SERPINB12: variants seen among roughly 807,000 people sequenced by gnomAD.
SERPINB12 encodes serpin family B member 12.
SERPINB12 carries 57 observed loss-of-function variants against 41.1 expected under a neutral mutation model. That is an observed-to-expected ratio of 1.39 (90% CI 1.12 to 1.73). SERPINB12 has a LOEUF of 1.73. Ranked by LOEUF, SERPINB12 falls within the 40% of genes most tolerant of loss-of-function variation. The probability of loss-of-function intolerance (pLI) is 0.00; values close to 1 mark genes in which losing one functional copy is unlikely to be tolerated. For missense variants in SERPINB12, 536 were observed against 501.9 expected (o/e 1.07, Z -0.65); for synonymous variants, 180 against 181.3 (o/e 0.99, Z 0.06).
At chr18:63,542,721 TAC>T (rs921662030) in intron 1 of SERPINB12, among the ~76,000 whole-genome samples, 4 of 152,154 alleles carry the variant, frequency 2.6e-5, no homozygotes, top group Non-Finnish European at 5.9e-5. Context: ...GGGTTTGGTG[TAC>T]AGATTATTTT....
At chr18:63,530,438 A>G in the SERPINB12 span, among the ~76,000 whole-genome samples, 1 of 152,026 alleles carries the variant, frequency 6.6e-6, no homozygotes, top group African/African-American at 2.4e-5. Flanking sequence ...CTTCCCCCCA[A>G]ACTTCCATAT....
intron 1 of SERPINB12, among the ~76,000 whole-genome samples, chr18:63,549,736 C>T (rs1910477582): frequency 6.6e-6 from 1 of 152,142 alleles, no homozygotes; most frequent in African/African-American, 2.4e-5. Flanking sequence ...GATGGACTCT[C>T]AGTGCTAGGA....
At chr18:63,565,400 A>T (rs1210991701) in intron 6 of SERPINB12, 45 bp from the exon 7 acceptor site, 1 of 1,564,332 alleles carries the variant, frequency 6.4e-7, no homozygotes, top group East Asian at 2.3e-5. Context: ...TGAATTTGGG[A>T]GTTTCCCATA....
chr18:63,539,190 A>T (rs1047196609), upstream of SERPINB12, among the ~76,000 whole-genome samples: 1 of 152,228 alleles, frequency 6.6e-6, no homozygotes, highest in South Asian at 2.1e-4. Context: ...TCCAGTAGCT[A>T]TCACTGGCAA....
chr18:63,553,195 T>C (rs1256588502), intron 1 of SERPINB12, among the ~76,000 whole-genome samples: 1 of 152,054 alleles, frequency 6.6e-6, no homozygotes, highest in South Asian at 2.1e-4. Flanking sequence ...AGTTTTGGAG[T>C]GTTCTGTAGC....
chr18:63,528,440 A>G, the SERPINB12 span, among the ~76,000 whole-genome samples: 1 of 142,430 alleles, frequency 7.0e-6, no homozygotes, highest in African/African-American at 2.5e-5. Flanking sequence ...TATAAATCCT[A>G]TCAGGCCATG....
upstream of SERPINB12, among the ~76,000 whole-genome samples, chr18:63,539,345 C>T (rs1030811366): frequency 1.3e-5 from 2 of 152,102 alleles, no homozygotes; most frequent in East Asian, 1.9e-4. Context: ...TTCCCCATGT[C>T]CCCTGAAAAA....
intron 7 of SERPINB12, 143 bp downstream of exon 7, chr18:63,565,755 T>G: frequency 1.6e-6 from 1 of 626,438 alleles, no homozygotes; most frequent in East Asian, 3.2e-5. Context: ...CTGAATTAGA[T>G]TAGATATTTA....
intron 1 of SERPINB12, among the ~76,000 whole-genome samples, chr18:63,548,343 T>G (rs1205741562): frequency 3.9e-5 from 6 of 152,114 alleles, no homozygotes; most frequent in Non-Finnish European, 1.5e-5. Context: ...AAGCTAACAA[T>G]GTAAGTTAAA....
intron 1 of SERPINB12, among the ~76,000 whole-genome samples, chr18:63,543,521 G>A (rs984892416): frequency 6.6e-6 from 1 of 152,114 alleles, no homozygotes; most frequent in East Asian, 1.9e-4. Context: ...CTGTAATACT[G>A]AAGGGCATTA....
chr18:63,546,355 C>T (rs1910387998), intron 1 of SERPINB12, among the ~76,000 whole-genome samples: 2 of 152,146 alleles, frequency 1.3e-5, no homozygotes, highest in South Asian at 2.1e-4. Context: ...TTGTAGAGTG[C>T]TAGAACCAAA....
intron 1 of SERPINB12, among the ~76,000 whole-genome samples, chr18:63,552,612 C>T (rs563707153): frequency 5.9e-5 from 9 of 152,086 alleles, no homozygotes; most frequent in South Asian, 2.1e-4. Context: ...CTCTTCTATG[C>T]GTCTTAAACT....
chr18:63,558,346 A>G lies in SERPINB12; in HGVS notation c.169-6A>G. On this transcript the variant is annotated splice_polypyrimidine_tract_variant and splice_region_variant and intron_variant, in intron 2 of 7. Transcript: ENST00000382768. Reference sequence around the variant, plus strand: ...ATCTGAAAGACCCCATCCCGTTATCATGCAGGTACTACACTTCAACGAATT... The same window carrying G: ...ATCTGAAAGACCCCATCCCGTTATCGTGCAGGTACTACACTTCAACGAATT... 6.2e-7 allele frequency: 1 copy of G among 1,609,932 alleles called. No individual in the cohort carries two copies. The highest frequency in any genetic ancestry group is 2.2e-5 in the East Asian group (1 of 44,832).
At chr18:63,532,063 A>G in the SERPINB12 span, among the ~76,000 whole-genome samples, 12 of 152,218 alleles carry the variant, frequency 7.9e-5, no homozygotes, top group African/African-American at 2.9e-4. Flanking sequence ...TATTAATACA[A>G]ACCTATCAGA....
At chr18:63,537,666 T>C (rs1910200790), upstream of SERPINB12, among the ~76,000 whole-genome samples, 1 of 152,152 alleles carries the variant, frequency 6.6e-6, no homozygotes, top group Non-Finnish European at 1.5e-5. Context: ...GGGAGGCAAC[T>C]ACAACAATCA....
intron 5 of SERPINB12, 40 bp from the exon 6 acceptor site, chr18:63,563,938 A>G (rs372717405): frequency 9.7e-6 from 15 of 1,544,486 alleles, no homozygotes; most frequent in African/African-American, 7.0e-5. Flanking sequence ...TGCTTTTGAT[A>G]CAATTCATAC....
chr18:63,519,969 C>A, the SERPINB12 span, among the ~76,000 whole-genome samples: 1 of 152,112 alleles, frequency 6.6e-6, no homozygotes, highest in Non-Finnish European at 1.5e-5. Context: ...GATGCCCTGT[C>A]TTGGTGCCTG....
Position 63,567,023 on chromosome 18 carries a change from T to C in SERPINB12, c.*12T>C. ...TCTGCTCTCCTTAAAAGGGGAGCAG[T>C]GTCTAGTACTTTGGAGCTGGAGGAA... On this transcript the variant is annotated 3_prime_UTR_variant, in exon 8 of 8. Transcript: ENST00000382768. 3 of 1,537,540 alleles carry C rather than the reference T, an allele frequency of 2.0e-6. No individual in the cohort carries two copies. The highest frequency in any genetic ancestry group is 1.7e-6 in the Non-Finnish European group (2 of 1,145,678).
intron 4 of SERPINB12, 65 bp from the exon 5 acceptor site, chr18:63,561,020 C>A: frequency 1.9e-6 from 2 of 1,055,634 alleles, no homozygotes; most frequent in Non-Finnish European, 2.9e-6. Context: ...GAGAGTCTCA[C>A]TCCTAACTAC....
Sources: allele counts gnomAD v4.1 joint callset (sites outside exome capture counted in the v4.1 genomes callset), GRCh38; gene constraint gnomAD v4.1.1; transcripts MANE v1.5; gene names NCBI Gene and HGNC (gene_info 2026-07-23, HGNC 2026-07-21).